Variants in KCTD2 observed in about 807,000 individuals in gnomAD.
KCTD2 encodes BTB/POZ domain-containing protein KCTD2.
A neutral mutation model predicts 27.9 loss-of-function variants in KCTD2; 18 were observed. The ratio of observed to expected loss-of-function variants is 0.64; its 90% CI spans 0.45 to 0.96. KCTD2 has a LOEUF of 0.96. Ranked by LOEUF, KCTD2 falls within the 40% of genes least tolerant of loss-of-function variation. KCTD2 has a pLI of 0.00. For synonymous variants in KCTD2, 175 were observed against 148.4 expected, an observed-to-expected ratio of 1.18 and a Z score of -1.30; for missense variants, 280 against 348.0, an observed-to-expected ratio of 0.80 and a Z score of 1.56.
intron 3 of KCTD2, among the ~76,000 whole-genome samples, chr17:75,037,957 G>A (rs1598683371): frequency 6.6e-6 from 1 of 151,922 alleles, no homozygotes; most frequent in Non-Finnish European, 1.5e-5. Flanking sequence ...GCTAAGGCAG[G>A]AGAATGGCAT....
intron 2 of KCTD2, chr17:75,035,098 G>C (rs189331088): frequency 6.6e-6 from 1 of 152,220 alleles, no homozygotes; most frequent in Non-Finnish European, 1.5e-5. Flanking sequence ...TCTCTAGGAG[G>C]TAGCTGCAGC....
chr17:75,055,086 C>T (rs1390106749), intron 3 of KCTD2, among the ~76,000 whole-genome samples: 1 of 151,910 alleles, frequency 6.6e-6, no homozygotes, highest in African/African-American at 2.4e-5. Flanking sequence ...GCAGAGTTTT[C>T]CTCTGTCACC....
At chr17:75,035,963 CACT>C (rs1192171722) in intron 3 of KCTD2, 1 of 429,750 alleles carries the variant, frequency 2.3e-6, no homozygotes, top group Non-Finnish European at 4.7e-6. Flanking sequence ...CCCACCACCC[CACT>C]ACTCTGTGCT....
At chr17:75,044,261 A>C (rs1296445510), upstream of KCTD2, among the ~76,000 whole-genome samples, 5 of 104,574 alleles carry the variant, frequency 4.8e-5, no homozygotes. Context: ...TGCGGACTGC[A>C]GTGGCGCAAT....
At position 75,047,288 on chromosome 17, in the gene KCTD2, T is replaced by TGGGAGGGGGCGGC; in HGVS notation, c.44_56dup (p.Ser19ArgfsTer101). Reference sequence around the variant, plus strand: ...CAGCTGGACCCGGCGATGGCGGGGCTGGGAGGGGGCGGCGGGAGTGGGGTG... The same window carrying TGGGAGGGGGCGGC: ...CAGCTGGACCCGGCGATGGCGGGGCTGGGAGGGGGCGGCGGGAGGGGGCGGCGGGAGTGGGGTG... On this transcript the variant is annotated frameshift_variant, in exon 1 of 6. Coordinates refer to ENST00000322444, the MANE Select transcript of KCTD2 (RefSeq NM_015353.3). LOFTEE classifies it high-confidence loss of function. The TGGGAGGGGGCGGC allele has an allele frequency of 1.3e-6, 1 of 795,422 alleles. No individual in the cohort carries two copies. The highest frequency in any genetic ancestry group is 1.5e-6 in the Non-Finnish European group (1 of 657,176). The allele number at this position is 795,422 out of a possible 1,614,324, so 49.3% of individuals were successfully genotyped here.
At chr17:75,040,107 G>A (rs769443824) in intron 3 of KCTD2, 12 of 1,612,526 alleles carry the variant, frequency 7.4e-6, no homozygotes, top group East Asian at 4.5e-5. Flanking sequence ...CTTTTTCTTC[G>A]GCATCCACCT....
At chr17:75,043,010 T>C (rs1468233141), upstream of KCTD2, among the ~76,000 whole-genome samples, 2 of 151,908 alleles carry the variant, frequency 1.3e-5, no homozygotes, top group African/African-American at 4.8e-5. Context: ...TCACCTGAGG[T>C]CAGGAGTTCG....
In KCTD2 at chr17:75,058,066, G is replaced by A. The variant is rs375122828; in HGVS notation, c.541-1444G>A. Reference sequence around the variant, plus strand: ...TGGCTGGGCACAGTGGCTCATGCCTGTAATCCCAGCACTTTGGGGGCCCAA... The same window carrying A: ...TGGCTGGGCACAGTGGCTCATGCCTATAATCCCAGCACTTTGGGGGCCCAA... On this transcript the variant is annotated intron_variant, in intron 3 of 5. Coordinates refer to ENST00000322444, the MANE Select transcript of KCTD2 (RefSeq NM_015353.3). Among the ~76,000 whole-genome samples the A allele has an allele frequency of 3.9e-5, 6 of 152,144 alleles. No individual in the cohort carries two copies. In the East Asian group the frequency reaches 7.8e-4, roughly 20 times the overall value.
intron 2 of KCTD2, among the ~76,000 whole-genome samples, chr17:75,051,373 C>T (rs1173652588): frequency 6.7e-6 from 1 of 149,238 alleles, no homozygotes; most frequent in Non-Finnish European, 1.5e-5. Flanking sequence ...CGACATCCAC[C>T]TCCCGGGTTC....
intron 3 of KCTD2, among the ~76,000 whole-genome samples, chr17:75,053,436 T>C (rs2144931633): frequency 6.6e-6 from 1 of 151,054 alleles, no homozygotes; most frequent in Middle Eastern, 3.4e-3. Flanking sequence ...GTTGCACCCG[T>C]TGGCCGCTCT....
intron 2 of KCTD2, among the ~76,000 whole-genome samples, chr17:75,052,349 G>A (rs893967484): frequency 1.5e-4 from 23 of 152,248 alleles, no homozygotes; most frequent in African/African-American, 5.1e-4. Context: ...CACTTGGAAG[G>A]CCAAGGTGGG....
upstream of KCTD2, chr17:75,042,373 TCAC>T: frequency 6.7e-7 from 1 of 1,491,702 alleles, no homozygotes; most frequent in Non-Finnish European, 9.2e-7. Flanking sequence ...GCCTGGAGGG[TCAC>T]CACACTTTCC....
At chr17:75,048,666 G>A (rs1464488215) in intron 1 of KCTD2, among the ~76,000 whole-genome samples, 1 of 152,136 alleles carries the variant, frequency 6.6e-6, no homozygotes, top group African/African-American at 2.4e-5. Flanking sequence ...GCCAAGTCCT[G>A]GCAGTACCGA....
chr17:75,046,083 T>TTG (rs904776938), upstream of KCTD2, among the ~76,000 whole-genome samples: 8 of 151,650 alleles, frequency 5.3e-5, no homozygotes, highest in East Asian at 1.9e-4. Flanking sequence ...ACAAATAACT[T>TTG]TGTGTGTGTG....
intron 3 of KCTD2, chr17:75,039,227 A>C (rs1196256273): frequency 6.2e-7 from 1 of 1,614,198 alleles, no homozygotes; most frequent in East Asian, 2.2e-5. Flanking sequence ...CATATTCTAC[A>C]ATCCTGGCCT....
upstream of KCTD2, chr17:75,047,150 C>T (rs891730751): frequency 9.5e-6 from 3 of 315,088 alleles, no homozygotes; most frequent in Middle Eastern, 1.1e-3. Flanking sequence ...TCCCTCTCCC[C>T]TCTGCCCCAC....
chr17:75,033,899 G>T (rs139693159), intron 1 of KCTD2: 2 of 152,322 alleles, frequency 1.3e-5, no homozygotes, highest in Admixed American at 6.5e-5. Context: ...ACGGCCACGT[G>T]CCCCAAGCCC....
At chr17:75,054,497 G>A (rs1028598328) in intron 3 of KCTD2, among the ~76,000 whole-genome samples, 4 of 152,168 alleles carry the variant, frequency 2.6e-5, no homozygotes, top group African/African-American at 9.7e-5. Flanking sequence ...GTAATTGAAA[G>A]TCCTTGCCCT....
Position 75,037,360 on chromosome 17 carries a change from A to AG in KCTD2, c.-259+2003_-259+2004insG, listed in dbSNP as rs1196230449. On this transcript the variant is annotated intron_variant, in intron 3 of 7. Coordinates refer to the KCTD2 transcript ENST00000581589. ...TTCCATATCAGAAAAAAAAAAAAAA[A>AG]AAAAGAAATGGCAGAAATGTCACAA... Among the ~76,000 whole-genome samples the AG allele has an allele frequency of 2.2e-4, 34 of 151,920 alleles. 1 individual carries two copies. Among genetic ancestry groups the AG allele is most frequent in the African/African-American group, 7.7e-4 (32 of 41,428 alleles).
Sources: gnomAD v4.1 joint callset for allele counts (sites outside exome capture counted in the v4.1 genomes callset) on GRCh38, gnomAD v4.1.1 for gene constraint, MANE v1.5 for transcripts, NCBI Gene and HGNC (gene_info 2026-07-23, HGNC 2026-07-21) for gene names.